Variants in FYN observed in about 807,000 individuals in gnomAD.
FYN encodes the protein tyrosine-protein kinase Fyn.
A neutral mutation model predicts 70.2 loss-of-function variants in FYN; 10 were observed. That is an observed-to-expected ratio of 0.14 (90% CI 0.09 to 0.24). FYN has a LOEUF of 0.24. Ranked by LOEUF, FYN falls within the 10% of genes least tolerant of loss-of-function variation. The pLI, the probability that FYN is intolerant of heterozygous loss-of-function variation, is 1.00. For synonymous variants in FYN, 236 were observed against 248.6 expected (o/e 0.95, Z 0.48); for missense variants, 319 against 673.1 (o/e 0.47, Z 5.82).
At chr6:111,738,494 A>G (rs1801804125) in intron 3 of FYN, among the ~76,000 whole-genome samples, 1 of 152,228 alleles carries the variant, frequency 6.6e-6, no homozygotes, top group African/African-American at 2.4e-5. Context: ...GGAATTGCAC[A>G]TCCATCGGAG....
In FYN at chr6:111,694,540, CA is replaced by C. The variant is rs1435204969; in HGVS notation, c.1120-13del. ...ATTCCTGCAGCCACCTGTGGAAACC[CA>C]GGGAACAGGACATGTTACACCACGA... On this transcript the variant is annotated splice_polypyrimidine_tract_variant and intron_variant, in intron 11 of 13. Transcript: ENST00000354650. This position sits in a 1 kb window ranked among gnomAD's most constrained non-coding sequence, Gnocchi z 5.0. 8.7e-6 allele frequency: 14 copies of C among 1,614,000 alleles called. No individual in the cohort carries two copies. Among genetic ancestry groups the C allele is most frequent in the Non-Finnish European group, 1.2e-5 (14 of 1,179,990 alleles).
intron 2 of FYN, among the ~76,000 whole-genome samples, chr6:111,837,886 A>ATTTCTGTATATTAG (rs1773239615): frequency 6.6e-6 from 1 of 152,236 alleles, no homozygotes; most frequent in Non-Finnish European, 1.5e-5. Context: ...ATGCAAATGC[A>ATTTCTGTATATTAG]CAAATTGCTG....
At chr6:111,816,192 G>A (rs1772484589) in intron 2 of FYN, among the ~76,000 whole-genome samples, 1 of 151,572 alleles carries the variant, frequency 6.6e-6, no homozygotes, top group Admixed American at 6.6e-5. Flanking sequence ...CAAAAATATG[G>A]CATCTATTGA....
At position 111,669,511 on chromosome 6, in the gene FYN, C is replaced by T. The variant is rs115669129; in HGVS notation, c.1405+4988G>A. ...CTGCCAAATCCACAAAACAGGTGTT[C>T]GGTTAAGAGCCAGGGCACAGAATAG... On this transcript the variant is annotated intron_variant, in intron 13 of 13. Transcript: ENST00000354650. Among the ~76,000 whole-genome samples the T allele has an allele frequency of 6.1e-3, 902 of 148,642 alleles. 8 individuals carry two copies. Among genetic ancestry groups the T allele is most frequent in the African/African-American group, 0.02 (831 of 40,600 alleles).
At chr6:111,794,513 T>C (rs1771739728) in intron 2 of FYN, among the ~76,000 whole-genome samples, 2 of 152,152 alleles carry the variant, frequency 1.3e-5, no homozygotes, top group African/African-American at 4.8e-5. Context: ...GCAAGGGCAG[T>C]GGTGGGCAGC....
rs1442697778 is a variant in FYN at position 111,873,430 on chromosome 6, G to C, written c.-585C>G. 3 of 151,854 alleles carry C rather than the reference G, an allele frequency of 2.0e-5. No individual in the cohort carries two copies. Among genetic ancestry groups the C allele is most frequent in the African/African-American group, 7.3e-5 (3 of 41,350 alleles). The allele number at this position is 151,854 out of a possible 1,614,324, so 9.4% of individuals were successfully genotyped here. A position where few individuals can be genotyped will look rare whatever the true frequency, so the allele number is the denominator to read the frequency against. ...GCCGCCGCCACCAGCGCGGCTGCTC[G>C]CTGCTACTCTTGCTGATGCTCTGCC... On this transcript the variant is annotated 5_prime_UTR_variant, in exon 1 of 14. Transcript: ENST00000354650.
chr6:111,688,196 G>A (rs1799112559), intron 12 of FYN, among the ~76,000 whole-genome samples: 1 of 152,200 alleles, frequency 6.6e-6, no homozygotes, highest in Admixed American at 6.5e-5. Context: ...TTTATGATGA[G>A]AAAGGTGAGG....
At chr6:111,816,235 T>G (rs1198091253) in intron 2 of FYN, among the ~76,000 whole-genome samples, 1 of 152,148 alleles carries the variant, frequency 6.6e-6, no homozygotes, top group Non-Finnish European at 1.5e-5. Flanking sequence ...TCATACAAAT[T>G]TAAACATATT....
intron 3 of FYN, among the ~76,000 whole-genome samples, chr6:111,750,391 G>GC (rs1348811880): frequency 6.6e-6 from 1 of 152,012 alleles, no homozygotes; most frequent in Non-Finnish European, 1.5e-5. Flanking sequence ...CTTCCCCTTT[G>GC]CCTTCCGCCA....
chr6:111,717,439 T>A (rs1266566697), intron 4 of FYN, among the ~76,000 whole-genome samples: 2 of 152,104 alleles, frequency 1.3e-5, no homozygotes, highest in Admixed American at 6.5e-5. Flanking sequence ...TGCTATGACC[T>A]ACAGAAATGA....
rs138967404 is a variant in FYN at position 111,840,587 on chromosome 6, G to C, written c.-82+6002C>G. ...AAGTTTGTGGTAATTTGTGACGGCAGGCACAGCAAGCTAACAAAGAAGGTT... is the reference window on the plus strand; with the variant it reads ...AAGTTTGTGGTAATTTGTGACGGCACGCACAGCAAGCTAACAAAGAAGGTT... On this transcript the variant is annotated intron_variant, in intron 2 of 13. Transcript: ENST00000354650. 1.3e-3 allele frequency among the ~76,000 whole-genome samples: 205 copies of C among 152,280 alleles called. 1 individual carries two copies. The highest frequency in any genetic ancestry group is 4.8e-3 in the African/African-American group (199 of 41,546).
intron 2 of FYN, among the ~76,000 whole-genome samples, chr6:111,781,535 G>A (rs1477466661): frequency 6.6e-6 from 1 of 152,102 alleles, no homozygotes; most frequent in Non-Finnish European, 1.5e-5. Flanking sequence ...GAATTTACCT[G>A]TCGAGTCATG....
intron 8 of FYN, 95 bp from the exon 9 acceptor site, chr6:111,700,363 G>C: frequency 2.3e-6 from 3 of 1,290,800 alleles, no homozygotes; most frequent in Non-Finnish European, 3.2e-6. Flanking sequence ...GCGGCGCACA[G>C]TGCTCCTCAA....
rs1402805947 is a variant in FYN at position 111,780,608 on chromosome 6, G to A, written c.-54C>T. ...ATCACAAACTTTATATACACCACATGTCTTCTACAACAGAGGCAGGACTGG... is the reference window on the plus strand; with the variant it reads ...ATCACAAACTTTATATACACCACATATCTTCTACAACAGAGGCAGGACTGG... On this transcript the variant is annotated 5_prime_UTR_variant, in exon 3 of 14. Transcript: ENST00000354650. 1 of 152,582 alleles carries A rather than the reference G, an allele frequency of 6.6e-6. No individual in the cohort carries two copies. The highest frequency in any genetic ancestry group is 1.5e-5 in the Non-Finnish European group (1 of 68,040). The allele number at this position is 152,582 out of a possible 1,614,324, so 9.5% of individuals were successfully genotyped here.
At chr6:111,869,583 G>A (rs955698320) in intron 1 of FYN, among the ~76,000 whole-genome samples, 1 of 152,090 alleles carries the variant, frequency 6.6e-6, no homozygotes, top group Non-Finnish European at 1.5e-5. Flanking sequence ...TCGTGGAGAC[G>A]AGGTCTCACT....
chr6:111,805,978 A>G (rs1035204977), intron 2 of FYN, among the ~76,000 whole-genome samples: 1 of 152,116 alleles, frequency 6.6e-6, no homozygotes, highest in East Asian at 1.9e-4. Context: ...TGAGCCCACA[A>G]CAGCTCTTGA....
At chr6:111,768,836 A>C (rs191566403) in intron 3 of FYN, among the ~76,000 whole-genome samples, 1 of 152,250 alleles carries the variant, frequency 6.6e-6, no homozygotes, top group Non-Finnish European at 1.5e-5. Context: ...GGAGTCAACT[A>C]TAATTTCTGG....
At chr6:111,864,490 G>A (rs1255358048) in intron 1 of FYN, among the ~76,000 whole-genome samples, 4 of 152,158 alleles carry the variant, frequency 2.6e-5, no homozygotes, top group Non-Finnish European at 5.9e-5. Context: ...CAAGTCGGTG[G>A]GAAAGGCCAG....
intron 2 of FYN, chr6:111,819,746 A>C (rs1772598237): frequency 6.6e-6 from 1 of 152,082 alleles, no homozygotes; most frequent in South Asian, 2.1e-4. Context: ...CTTGATATGG[A>C]CTGTTAGTGA....
Sources: allele counts gnomAD v4.1 joint callset (sites outside exome capture counted in the v4.1 genomes callset), GRCh38; gene constraint gnomAD v4.1.1; non-coding constraint Gnocchi (gnomAD v3.1); transcripts MANE v1.5; gene names NCBI Gene and HGNC (gene_info 2026-07-23, HGNC 2026-07-21).